Variants in CATSPERD observed in about 807,000 individuals in gnomAD.
The protein encoded by CATSPERD is cation channel sperm-associated auxiliary subunit delta.
In CATSPERD, 86 loss-of-function variants were observed where a neutral mutation model predicts 98.1. The observed-to-expected ratio is 0.88, with a 90% CI of 0.74 to 1.05. CATSPERD has a LOEUF of 1.05. Among genes scored for constraint, CATSPERD ranks in the 50% least tolerant of loss-of-function variants. The pLI, the probability that CATSPERD is intolerant of heterozygous loss-of-function variation, is 0.00. For synonymous variants in CATSPERD, 394 were observed against 390.2 expected (o/e 1.01, Z -0.12); for missense variants, 995 against 1,005.7 (o/e 0.99, Z 0.14).
At chr19:5,754,268 G>A (rs747125089) in intron 13 of CATSPERD, 23 bp downstream of exon 13, 1 of 1,553,090 alleles carries the variant, frequency 6.4e-7, no homozygotes, top group Non-Finnish European at 8.9e-7. Context: ...TAATGTTTCT[G>A]CTATCTGGGA....
rs544256757 is a variant in CATSPERD at position 5,765,046 on chromosome 19, G to T, written c.1507-1057G>T. Among the ~76,000 whole-genome samples the T allele has an allele frequency of 1.2e-4, 18 of 152,216 alleles. No homozygotes were observed. The South Asian group carries it at 3.3e-3, about 28-fold the overall frequency. ...CTGCCTCAGCCTCTCAAGTAGCTGG[G>T]ATTACAGGCGTGCACCACCACACCT... On this transcript the variant is annotated intron_variant, in intron 16 of 21. Coordinates refer to ENST00000381624, the MANE Select transcript of CATSPERD (RefSeq NM_152784.4).
At chr19:5,743,621 G>GAAA (rs1306281278) in intron 7 of CATSPERD, among the ~76,000 whole-genome samples, 1 of 140,836 alleles carries the variant, frequency 7.1e-6, no homozygotes, top group Admixed American at 6.9e-5. Flanking sequence ...AAAGAAAAAA[G>GAAA]ATAGCAGTCT....
intron 5 of CATSPERD, among the ~76,000 whole-genome samples, chr19:5,736,068 T>C (rs2055839468): frequency 6.6e-6 from 1 of 151,770 alleles, no homozygotes; most frequent in African/African-American, 2.4e-5. Context: ...TAAGCCACTG[T>C]GCCCGGCCTA....
Position 5,763,847 on chromosome 19 carries a change from CT to C in CATSPERD, c.1506+572del, listed in dbSNP as rs56352544. Among the ~76,000 whole-genome samples the C allele has an allele frequency of 1.2e-3, 77 of 62,132 alleles. 3 individuals are homozygous for C. The South Asian group carries it at 0.015, about 12-fold the overall frequency. The allele number at this position is 62,132 out of a possible 152,430, so 40.8% of individuals were successfully genotyped here. ...TGTTGGCCAGGCTGGTCTTGAACTC[CT>C]TTTTTTTTTTTTTTTTTGACATGGA... On this transcript the variant is annotated intron_variant, in intron 16 of 21. Coordinates refer to ENST00000381624, the MANE Select transcript of CATSPERD (RefSeq NM_152784.4).
At chr19:5,769,070 C>G (rs892022386) in intron 18 of CATSPERD, among the ~76,000 whole-genome samples, 1 of 151,590 alleles carries the variant, frequency 6.6e-6, no homozygotes, top group African/African-American at 2.4e-5. Flanking sequence ...AGGAGAGTTG[C>G]TTGAAACTGG....
chr19:5,730,085 C>A (rs1034128954), intron 4 of CATSPERD, 141 bp downstream of exon 4: 14 of 527,556 alleles, frequency 2.7e-5, no homozygotes, highest in African/African-American at 1.6e-4. Flanking sequence ...ACATTAAGGG[C>A]AATTTCTAAG....
At chr19:5,751,567 AAT>A in intron 11 of CATSPERD, 78 bp from the exon 12 acceptor site, 3 of 286,754 alleles carry the variant, frequency 1.0e-5, no homozygotes, top group Non-Finnish European at 1.7e-5. Flanking sequence ...AAAAAAAAAA[AAT>A]CTGCATCATG....
intron 2 of CATSPERD, 35 bp from the exon 3 acceptor site, chr19:5,727,233 T>A: frequency 6.7e-7 from 1 of 1,485,328 alleles, no homozygotes; most frequent in South Asian, 1.1e-5. Flanking sequence ...TTTATGGTTA[T>A]TGATATTATT....
At chr19:5,735,831 C>T (rs140745907) in intron 5 of CATSPERD, among the ~76,000 whole-genome samples, 63 of 134,194 alleles carry the variant, frequency 4.7e-4, no homozygotes, top group African/African-American at 1.5e-3. Context: ...GGCTGGATGG[C>T]GTGCAGTGGC....
chr19:5,744,541 G>A, intron 8 of CATSPERD, 31 bp downstream of exon 8: 1 of 1,515,298 alleles, frequency 6.6e-7, no homozygotes, highest in Non-Finnish European at 9.1e-7. Flanking sequence ...GAACTACTCA[G>A]AGGACCTTTG....
chr19:5,758,110 C>T (rs2056361922), intron 14 of CATSPERD, among the ~76,000 whole-genome samples, 178 bp downstream of exon 14: 3 of 152,118 alleles, frequency 2.0e-5, no homozygotes, highest in African/African-American at 7.2e-5. Context: ...TAAAGTGTCA[C>T]ACGGGAGAGA....
chr19:5,766,179 C>G (rs972731064), intron 17 of CATSPERD, 24 bp downstream of exon 17: 14 of 1,602,868 alleles, frequency 8.7e-6, no homozygotes, highest in Non-Finnish European at 1.2e-5. Context: ...GGCCGGGCAC[C>G]ATGGCTCATT....
intron 8 of CATSPERD, among the ~76,000 whole-genome samples, chr19:5,744,890 G>A (rs1252470736): frequency 2.0e-5 from 3 of 151,138 alleles, no homozygotes; most frequent in South Asian, 2.1e-4. Flanking sequence ...TGTAAGCCAC[G>A]GCGCCCGGCA....
At chr19:5,766,697 ATT>A (rs113358889) in intron 17 of CATSPERD, among the ~76,000 whole-genome samples, 106 of 145,700 alleles carry the variant, frequency 7.3e-4, no homozygotes, top group Middle Eastern at 3.5e-3. Context: ...TGATATCCAC[ATT>A]TTTTTTTTTT....
chr19:5,750,259 T>G (rs373171983), intron 11 of CATSPERD, among the ~76,000 whole-genome samples: 12 of 148,550 alleles, frequency 8.1e-5, no homozygotes, highest in African/African-American at 9.9e-5. Context: ...CCATCCTGGC[T>G]AACACGGTGA....
chr19:5,760,370 T>C (rs1010837006), intron 15 of CATSPERD, among the ~76,000 whole-genome samples: 9 of 147,430 alleles, frequency 6.1e-5, no homozygotes, highest in Admixed American at 2.1e-4. Flanking sequence ...CTGAACTCCA[T>C]GCTAGGTGAT....
intron 1 of CATSPERD, among the ~76,000 whole-genome samples, chr19:5,722,920 G>T (rs963244188): frequency 2.6e-5 from 4 of 152,058 alleles, no homozygotes; most frequent in African/African-American, 9.7e-5. Context: ...CGGGCGCGGG[G>T]GCTCACGCCT....
chr19:5,778,259 G>C (rs1324056252), intron 21 of CATSPERD, 117 bp from the exon 22 acceptor site: 1 of 815,104 alleles, frequency 1.2e-6, no homozygotes, highest in Non-Finnish European at 2.0e-6. Flanking sequence ...GGGTATACCC[G>C]GTCACTGCTG....
intron 9 of CATSPERD, among the ~76,000 whole-genome samples, chr19:5,747,009 AT>A (rs984134839): frequency 5.3e-5 from 8 of 150,572 alleles, no homozygotes; most frequent in Admixed American, 4.0e-4. Flanking sequence ...TGCCTGGCTG[AT>A]TTTTTTGTAT....
Sources: gnomAD v4.1 joint callset for allele counts (sites outside exome capture counted in the v4.1 genomes callset) on GRCh38, gnomAD v4.1.1 for gene constraint, MANE v1.5 for transcripts, NCBI Gene and HGNC (gene_info 2026-07-23, HGNC 2026-07-21) for gene names.